Variants in GBF1 observed in about 807,000 individuals in gnomAD.
GBF1 encodes the protein Golgi-specific brefeldin A-resistance guanine nucleotide exchange factor 1.
A neutral mutation model predicts 210.5 loss-of-function variants in GBF1; 114 were observed. The ratio of observed to expected loss-of-function variants is 0.54; its 90% CI spans 0.47 to 0.63. GBF1 has a LOEUF of 0.63. Among genes scored for constraint, GBF1 ranks in the 30% least tolerant of loss-of-function variants. The pLI, the probability that GBF1 is intolerant of heterozygous loss-of-function variation, is 0.00. For missense variants in GBF1, 1,851 were observed against 2,357.7 expected, an observed-to-expected ratio of 0.79 and a Z score of 4.45; for synonymous variants, 850 against 889.2, an observed-to-expected ratio of 0.96 and a Z score of 0.78.
intron 3 of GBF1, among the ~76,000 whole-genome samples, chr10:102,261,615 C>CTTTT (rs10711743): frequency 1.1e-4 from 13 of 116,094 alleles, no homozygotes; most frequent in Non-Finnish European, 1.8e-4. Context: ...TTCTTTCTTT[C>CTTTT]TTTTTTTTTT....
chr10:102,331,851 ATTTTTTTT>A (rs869198412), intron 3 of GBF1, among the ~76,000 whole-genome samples: 3 of 85,320 alleles, frequency 3.5e-5, no homozygotes, highest in African/African-American at 1.5e-4. Flanking sequence ...TACCTGGCTA[ATTTTTTTT>A]TTTTTTTTTT....
chr10:102,337,096 G>A (rs1045581774), intron 3 of GBF1, among the ~76,000 whole-genome samples: 1 of 149,970 alleles, frequency 6.7e-6, no homozygotes, highest in Admixed American at 6.7e-5. Context: ...GGGTCTGCAC[G>A]GGCTGGGCGA....
At chr10:102,293,762 A>ATTTTTTTTTTTTTTTTTTTTT (rs1565071251) in intron 3 of GBF1, among the ~76,000 whole-genome samples, 1 of 44,572 alleles carries the variant, frequency 2.2e-5, no homozygotes, top group Non-Finnish European at 4.2e-5. Flanking sequence ...CAGCTGTAGT[A>ATTTTTTTTTTTTTTTTTTTTT]TGTTTTGTGT....
intron 3 of GBF1, among the ~76,000 whole-genome samples, chr10:102,340,704 A>T (rs1015120150): frequency 1.3e-5 from 2 of 152,142 alleles, no homozygotes; most frequent in Non-Finnish European, 2.9e-5. Flanking sequence ...TGGTCAATTT[A>T]TTTTTGACAA....
intron 4 of GBF1, among the ~76,000 whole-genome samples, chr10:102,345,976 T>C (rs1382032851): frequency 2.6e-5 from 4 of 152,178 alleles, no homozygotes; most frequent in African/African-American, 4.8e-5. Flanking sequence ...TAGTGTAATA[T>C]AGATATAACA....
intron 3 of GBF1, 86 bp downstream of exon 3, chr10:102,260,202 A>G (rs2073012515): frequency 1.3e-6 from 1 of 755,244 alleles, no homozygotes; most frequent in Non-Finnish European, 2.3e-6. Flanking sequence ...CTTTTTGTAT[A>G]AAGGACTTTA....
chr10:102,339,660 C>T lies in GBF1; in HGVS notation c.164-4391C>T, dbSNP rs559973714. Among the ~76,000 whole-genome samples, 18 of 149,436 alleles carry T rather than the reference C, an allele frequency of 1.2e-4. No individual in the cohort carries two copies. In the South Asian group the frequency reaches 3.0e-3, roughly 25 times the overall value. ...TAGCCTGGGTAACAGAGCAAGACTC[C>T]GTCTCAAAAAAAAAAAGACTTAGTA... On this transcript the variant is annotated intron_variant, in intron 3 of 39. Transcript: ENST00000369983.
chr10:102,256,368 C>G (rs1015750432), intron 1 of GBF1, among the ~76,000 whole-genome samples: 3 of 152,020 alleles, frequency 2.0e-5, no homozygotes, highest in Non-Finnish European at 2.9e-5. Context: ...AGGTACATTT[C>G]TTTCTCTATT....
intron 3 of GBF1, among the ~76,000 whole-genome samples, chr10:102,311,026 C>T (rs1347848352): frequency 6.6e-6 from 1 of 152,148 alleles, no homozygotes; most frequent in African/African-American, 2.4e-5. Flanking sequence ...AGTTTGCTGC[C>T]ACTTACAGAA....
chr10:102,283,600 C>CTA (rs751380705), intron 3 of GBF1, among the ~76,000 whole-genome samples: 1 of 152,164 alleles, frequency 6.6e-6, no homozygotes, highest in African/African-American at 2.4e-5. Flanking sequence ...GTATTGAATA[C>CTA]TAGAGGATAG....
chr10:102,259,988 C>A, intron 2 of GBF1, 62 bp from the exon 3 acceptor site: 1 of 894,810 alleles, frequency 1.1e-6, no homozygotes, highest in Admixed American at 1.8e-5. Context: ...TTGATCTGTC[C>A]TTTATTTTCC....
At chr10:102,289,503 T>C (rs1589504193) in intron 3 of GBF1, among the ~76,000 whole-genome samples, 1 of 152,258 alleles carries the variant, frequency 6.6e-6, no homozygotes, top group South Asian at 2.1e-4. Flanking sequence ...GGCAAGAGGA[T>C]CATTTGAGCC....
At chr10:102,231,133 C>T in the GBF1 span, 23 of 1,489,240 alleles carry the variant, frequency 1.5e-5, no homozygotes, top group East Asian at 7.3e-5. Flanking sequence ...GGTCAGGGCC[C>T]GGGGCCGGGT....
chr10:102,277,659 G>A (rs1394045987), intron 3 of GBF1, among the ~76,000 whole-genome samples: 1 of 152,136 alleles, frequency 6.6e-6, no homozygotes, highest in Admixed American at 6.5e-5. Flanking sequence ...GATTACAGGC[G>A]TGAGCCACCG....
the GBF1 span, among the ~76,000 whole-genome samples, chr10:102,234,810 C>T: frequency 2.3e-4 from 35 of 152,152 alleles, no homozygotes; most frequent in African/African-American, 8.0e-4. Flanking sequence ...CTTTGGCTCC[C>T]GACTTGCAGT....
chr10:102,376,302 A>C lies in GBF1; in HGVS notation c.3917A>C (p.Tyr1306Ser), dbSNP rs770002283. 6.2e-7 allele frequency: 1 copy of C among 1,613,918 alleles called. No individual in the cohort carries two copies. Among genetic ancestry groups the C allele is most frequent in the South Asian group, 1.1e-5 (1 of 91,068 alleles). Residue 1306 changes from tyrosine to serine, a missense_variant, in exon 31 of 40, where the codon TAC (tyrosine) becomes TCC (serine). Physicochemically the swap from Tyr to Ser is moderately radical, Grantham distance 144. Around this residue, in one of 3 missense-constraint regions of GBF1, gnomAD observed 967 missense variants for 1,247.7 expected, o/e 0.78. Coordinates refer to ENST00000369983, the MANE Select transcript of GBF1 (RefSeq NM_001377137.1). ...GAQSDSELPS[Y>S]HQNDVSLDRG... Reference sequence around the variant, plus strand: ...CAGTCAGATAGTGAGCTCCCATCCTACCATCAGAATGACGTGAGCCTGGAT... The same window carrying C: ...CAGTCAGATAGTGAGCTCCCATCCTCCCATCAGAATGACGTGAGCCTGGAT...
At chr10:102,239,566 G>A in the GBF1 span, among the ~76,000 whole-genome samples, 1 of 152,212 alleles carries the variant, frequency 6.6e-6, no homozygotes, top group Non-Finnish European at 1.5e-5. Context: ...CCAGTAATAA[G>A]CAAACTTTAG....
chr10:102,314,652 G>A (rs2078775954), intron 3 of GBF1, among the ~76,000 whole-genome samples: 1 of 152,062 alleles, frequency 6.6e-6, no homozygotes, highest in African/African-American at 2.4e-5. Flanking sequence ...TTTTGAAATG[G>A]GTAAGGAGAT....
At chr10:102,238,362 A>G in the GBF1 span, among the ~76,000 whole-genome samples, 1 of 152,306 alleles carries the variant, frequency 6.6e-6, no homozygotes, top group Non-Finnish European at 1.5e-5. Context: ...CCCGTCCTGA[A>G]CCTGAGTCCT....
Sources: allele counts gnomAD v4.1 joint callset (sites outside exome capture counted in the v4.1 genomes callset), GRCh38; gene constraint gnomAD v4.1.1; regional missense constraint gnomAD v4.1.1; transcripts MANE v1.5; gene names NCBI Gene and HGNC (gene_info 2026-07-23, HGNC 2026-07-21).